The following RGS5 variants were observed in gnomAD, a reference collection of about 807,000 sequenced individuals.
RGS5 encodes regulator of G protein signaling 5.
In RGS5, 20 loss-of-function variants were observed where a neutral mutation model predicts 18.9. The observed-to-expected ratio is 1.06, with a 90% CI of 0.74 to 1.54. RGS5 has a LOEUF of 1.54. Among genes scored for constraint, RGS5 ranks in the 40% most tolerant of loss-of-function variants. The probability of loss-of-function intolerance (pLI) is 0.00; values close to 1 mark genes in which losing one functional copy is unlikely to be tolerated. For missense variants in RGS5, 201 were observed against 211.8 expected (o/e 0.95, Z 0.32); for synonymous variants, 57 against 76.2 (o/e 0.75, Z 1.31).
chr1:163,288,639 T>C (rs369648311), intron 2 of RGS5, among the ~76,000 whole-genome samples: 7 of 152,164 alleles, frequency 4.6e-5, no homozygotes, highest in East Asian at 1.9e-4. Flanking sequence ...GCAGGGTCAA[T>C]AGTCTTCATT....
intron 1 of RGS5, among the ~76,000 whole-genome samples, chr1:163,182,398 A>G (rs1413757619): frequency 1.3e-5 from 2 of 152,078 alleles, no homozygotes; most frequent in Non-Finnish European, 2.9e-5. Flanking sequence ...TGGTGCTGTC[A>G]TTTTACTTTA....
intron 2 of RGS5, among the ~76,000 whole-genome samples, chr1:163,296,172 A>C (rs928829189): frequency 6.6e-6 from 1 of 152,190 alleles, no homozygotes; most frequent in Non-Finnish European, 1.5e-5. Context: ...CAGTAGACTT[A>C]TTTTGTAAAC....
chr1:163,290,362 C>T (rs934964675), intron 2 of RGS5, among the ~76,000 whole-genome samples: 1 of 152,220 alleles, frequency 6.6e-6, no homozygotes, highest in Non-Finnish European at 1.5e-5. Flanking sequence ...TATTACCCCA[C>T]ACAAATGACG....
chr1:163,217,618 T>G (rs1304003886), exon 1 of RGS5: 5 of 1,540,076 alleles, frequency 3.2e-6, no homozygotes, highest in Non-Finnish European at 4.4e-6. Context: ...TTTGTTTCTT[T>G]GTTTTGTCAG....
intron 1 of RGS5, among the ~76,000 whole-genome samples, chr1:163,171,192 G>T (rs143141973): frequency 1.3e-5 from 2 of 152,212 alleles, no homozygotes; most frequent in Admixed American, 6.5e-5. Context: ...CTGGGGACAA[G>T]AATTGCCAAT....
At chr1:163,196,530 A>C (rs1339864725) in intron 1 of RGS5, among the ~76,000 whole-genome samples, 1 of 152,298 alleles carries the variant, frequency 6.6e-6, no homozygotes, top group African/African-American at 2.4e-5. Context: ...CATAACCCAG[A>C]CTAAATGAAA....
At chr1:163,277,705 A>T (rs1648891682) in intron 2 of RGS5, among the ~76,000 whole-genome samples, 1 of 152,170 alleles carries the variant, frequency 6.6e-6, no homozygotes, top group Non-Finnish European at 1.5e-5. Flanking sequence ...CCTCTGAGAC[A>T]TGGTGCCATC....
intron 1 of RGS5, among the ~76,000 whole-genome samples, chr1:163,307,672 C>G (rs146183751): frequency 9.2e-4 from 140 of 151,912 alleles, no homozygotes; most frequent in African/African-American, 3.3e-3. Context: ...GTGATGAGAT[C>G]TGCGGCCAAA....
upstream of RGS5, chr1:163,203,068 G>T (rs909783046): frequency 1.2e-5 from 6 of 503,696 alleles, no homozygotes; most frequent in African/African-American, 1.2e-4. Flanking sequence ...TCTGCTACAG[G>T]CACTACTGTG....
At position 163,142,566 on chromosome 1, in the gene RGS5, T is replaced by C. The variant is rs1191065749; in HGVS notation, c.*4776A>G. 6.6e-6 allele frequency: 1 copy of C among 152,034 alleles called. No individual in the cohort carries two copies. The highest frequency in any genetic ancestry group is 1.5e-5 in the Non-Finnish European group (1 of 68,008). The allele number at this position is 152,034 out of a possible 1,614,324, so 9.4% of individuals were successfully genotyped here. A position where few individuals can be genotyped will look rare whatever the true frequency, so the allele number is the denominator to read the frequency against. ...AGTTGCAACATTAAAAAAAAATAGC[T>C]CCTTCAAATCCTGACACTATATGAC... On this transcript the variant is annotated 3_prime_UTR_variant, in exon 5 of 5. Transcript: ENST00000313961.
chr1:163,148,133 G>C (rs1218881697), intron 4 of RGS5, among the ~76,000 whole-genome samples: 1 of 151,866 alleles, frequency 6.6e-6, no homozygotes, highest in East Asian at 1.9e-4. Context: ...TGCCACATTG[G>C]TGAGGCTGGT....
intron 1 of RGS5, among the ~76,000 whole-genome samples, chr1:163,185,277 C>T (rs991511944): frequency 1.3e-5 from 2 of 151,944 alleles, no homozygotes; most frequent in African/African-American, 4.8e-5. Context: ...TGAATTATTC[C>T]CTGGAGTCTT....
At chr1:163,268,846 T>C (rs1648640433) in intron 2 of RGS5, among the ~76,000 whole-genome samples, 1 of 152,164 alleles carries the variant, frequency 6.6e-6, no homozygotes, top group Non-Finnish European at 1.5e-5. Context: ...ATGGTGTATC[T>C]CTTATTTTTA....
chr1:163,177,289 A>G (rs1213406067), intron 1 of RGS5, among the ~76,000 whole-genome samples: 7 of 152,240 alleles, frequency 4.6e-5, no homozygotes, highest in Admixed American at 1.3e-4. Context: ...TTGTTGCCTG[A>G]TATCAACTAA....
Position 163,272,327 on chromosome 1 carries a change from T to G in RGS5, c.-281+33906A>C, listed in dbSNP as rs546762068. ...ATACAAGTCCTTTTCAGTTTTGTACTTTGCAAATATCTTCTGCTAGTGTGA... is the reference window on the plus strand; with the variant it reads ...ATACAAGTCCTTTTCAGTTTTGTACGTTGCAAATATCTTCTGCTAGTGTGA... On this transcript the variant is annotated intron_variant, in intron 2 of 5. Transcript: ENST00000618415. Among the ~76,000 whole-genome samples the G allele has an allele frequency of 2.0e-5, 3 of 152,286 alleles. No homozygotes were observed. In the East Asian group the frequency reaches 5.8e-4, roughly 29 times the overall value.
At chr1:163,154,080 A>T (rs964968434) in intron 3 of RGS5, among the ~76,000 whole-genome samples, 59 of 152,088 alleles carry the variant, frequency 3.9e-4, no homozygotes, top group African/African-American at 1.4e-3. Flanking sequence ...ATTTGCCCCC[A>T]CCTGGAAACA....
At chr1:163,309,218 G>A (rs1163191155) in intron 1 of RGS5, among the ~76,000 whole-genome samples, 1 of 152,146 alleles carries the variant, frequency 6.6e-6, no homozygotes, top group Non-Finnish European at 1.5e-5. Context: ...CGGGGGTGGT[G>A]GTTGCTGAAG....
intron 1 of RGS5, among the ~76,000 whole-genome samples, chr1:163,315,857 G>C (rs539726759): frequency 8.5e-5 from 13 of 152,214 alleles, no homozygotes; most frequent in Non-Finnish European, 1.6e-4. Context: ...AATAAATTTA[G>C]AATCTAATTT....
intron 2 of RGS5, among the ~76,000 whole-genome samples, chr1:163,291,283 G>C (rs564063814): frequency 4.6e-5 from 7 of 152,252 alleles, no homozygotes; most frequent in African/African-American, 1.2e-4. Flanking sequence ...CGGCGGGCAG[G>C]GGGGTATCTA....
Sources: gnomAD v4.1 joint callset for allele counts (sites outside exome capture counted in the v4.1 genomes callset) on GRCh38, gnomAD v4.1.1 for gene constraint, MANE v1.5 for transcripts, NCBI Gene and HGNC (gene_info 2026-07-23, HGNC 2026-07-21) for gene names.